Variants in PARP8 observed in about 807,000 individuals in gnomAD.
The protein encoded by PARP8 is protein mono-ADP-ribosyltransferase PARP8.
Under a neutral mutation model 124.1 loss-of-function variants are expected in PARP8, and 51 were observed. The observed-to-expected ratio is 0.41, with a 90% CI of 0.33 to 0.52. PARP8 has a LOEUF of 0.52. Ranked by LOEUF, PARP8 falls within the 20% of genes least tolerant of loss-of-function variation. The pLI, the probability that PARP8 is intolerant of heterozygous loss-of-function variation, is 0.21. For synonymous variants in PARP8, 391 were observed against 361.5 expected (o/e 1.08, Z -0.93); for missense variants, 860 against 1,018.9 (o/e 0.84, Z 2.12).
At chr5:50,677,163 A>T (rs1374001517) in intron 2 of PARP8, among the ~76,000 whole-genome samples, 1 of 152,130 alleles carries the variant, frequency 6.6e-6, no homozygotes, top group Non-Finnish European at 1.5e-5. Context: ...CACATTTGTT[A>T]GTCTGTATGT....
chr5:50,753,465 A>T (rs1759483139), intron 3 of PARP8, among the ~76,000 whole-genome samples: 1 of 152,122 alleles, frequency 6.6e-6, no homozygotes. Flanking sequence ...TTTATACCTA[A>T]TAAACATTTA....
Position 50,844,607 on chromosome 5 carries a change from G to A in PARP8, c.*2539G>A, listed in dbSNP as rs1748478108. 6.6e-6 allele frequency: 1 copy of A among 151,596 alleles called. No homozygotes were observed. The highest frequency in any genetic ancestry group is 1.5e-5 in the Non-Finnish European group (1 of 67,726). The allele number at this position is 151,596 out of a possible 1,614,324, so 9.4% of individuals were successfully genotyped here. A position where few individuals can be genotyped will look rare whatever the true frequency, so the allele number is the denominator to read the frequency against. ...TTGTATTGTGTTTTTATAATTATTT[G>A]AAATCTGTTCACCAATGCTTTGTAA... On this transcript the variant is annotated 3_prime_UTR_variant, in exon 26 of 26. Transcript: ENST00000281631.
intron 15 of PARP8, among the ~76,000 whole-genome samples, chr5:50,816,829 C>G (rs1745157716): frequency 6.6e-6 from 1 of 151,948 alleles, no homozygotes; most frequent in South Asian, 2.1e-4. Context: ...GAGCCTTTTT[C>G]TTTTCCATCC....
chr5:50,698,113 CTT>C (rs1753222940), intron 2 of PARP8, among the ~76,000 whole-genome samples: 1 of 152,168 alleles, frequency 6.6e-6, no homozygotes, highest in Non-Finnish European at 1.5e-5. Flanking sequence ...TTCATGAAGA[CTT>C]TTGGTGTCAT....
Position 50,829,240 on chromosome 5 carries a change from A to G in PARP8, c.2164-652A>G, listed in dbSNP as rs796946730. On this transcript the variant is annotated intron_variant, in intron 21 of 25. Transcript: ENST00000281631. ...TTTCACTTCACTCTCCTGCAGCTGAATTTTTTTTCATCTGACAGCATAAGG... is the reference window on the plus strand; with the variant it reads ...TTTCACTTCACTCTCCTGCAGCTGAGTTTTTTTTCATCTGACAGCATAAGG... Among the ~76,000 whole-genome samples, 13 of 152,090 alleles carry G rather than the reference A, an allele frequency of 8.5e-5. 1 individual carries two copies. Among genetic ancestry groups the G allele is most frequent in the African/African-American group, 3.1e-4 (13 of 41,496 alleles).
chr5:50,835,536 CAAAAAGAAAA>C (rs1013388571), intron 25 of PARP8, among the ~76,000 whole-genome samples: 3 of 149,706 alleles, frequency 2.0e-5, no homozygotes, highest in African/African-American at 7.4e-5. Flanking sequence ...GAATCTGTCT[CAAAAAGAAAA>C]AAAAAGAAAA....
intron 3 of PARP8, among the ~76,000 whole-genome samples, chr5:50,756,571 A>C (rs960764043): frequency 6.6e-6 from 1 of 152,180 alleles, no homozygotes; most frequent in African/African-American, 2.4e-5. Flanking sequence ...ACTGTGGCTT[A>C]GGCTAAAGGA....
At chr5:50,802,934 A>G (rs1743395243) in intron 14 of PARP8, among the ~76,000 whole-genome samples, 1 of 152,166 alleles carries the variant, frequency 6.6e-6, no homozygotes, top group African/African-American at 2.4e-5. Context: ...TATGTGGACT[A>G]TGTAGTGTCC....
chr5:50,741,814 C>CTT (rs558645653), intron 2 of PARP8: 271 of 393,564 alleles, frequency 6.9e-4, no homozygotes, highest in East Asian at 1.3e-3. Context: ...TTCTTTTCTT[C>CTT]TTTTTTTTTT....
In PARP8 at chr5:50,781,188, G is replaced by A. The variant is rs150871305; in HGVS notation, c.670+2538G>A. 6.6e-5 allele frequency among the ~76,000 whole-genome samples: 10 copies of A among 151,364 alleles called. No homozygotes were observed. In the East Asian group the frequency reaches 1.2e-3, roughly 18 times the overall value. ...CTGCTCCACTGAGTGAATTTTTTTC[G>A]TGATTTCATCTTAAATTTAATGTTC... On this transcript the variant is annotated intron_variant, in intron 9 of 25. Coordinates refer to ENST00000281631, the MANE Select transcript of PARP8 (RefSeq NM_024615.4).
intron 2 of PARP8, among the ~76,000 whole-genome samples, chr5:50,684,959 C>T (rs974532594): frequency 1.8e-4 from 27 of 152,108 alleles, no homozygotes; most frequent in South Asian, 2.1e-4. Context: ...TTGCTTCAGC[C>T]GTCCCACTTA....
At chr5:50,722,211 A>G (rs1468760955) in intron 2 of PARP8, among the ~76,000 whole-genome samples, 3 of 152,092 alleles carry the variant, frequency 2.0e-5, no homozygotes, top group Non-Finnish European at 4.4e-5. Context: ...TTTGCCATTC[A>G]TTTCTCATTT....
intron 2 of PARP8, among the ~76,000 whole-genome samples, chr5:50,724,947 A>G (rs1393160233): frequency 6.6e-6 from 1 of 151,816 alleles, no homozygotes; most frequent in East Asian, 1.9e-4. Context: ...GTGAAAACGT[A>G]TGGTTTTTGG....
intron 2 of PARP8, among the ~76,000 whole-genome samples, chr5:50,740,046 G>A (rs1285166005): frequency 1.3e-5 from 2 of 151,942 alleles, no homozygotes; most frequent in South Asian, 4.2e-4. Flanking sequence ...ACTGCGCCCG[G>A]CCTGGGTTTA....
In PARP8 at chr5:50,843,272, T is replaced by C. The variant is rs1748355769; in HGVS notation, c.*1204T>C. 1.3e-5 allele frequency: 2 copies of C among 151,912 alleles called. No individual in the cohort carries two copies. Among genetic ancestry groups the C allele is most frequent in the South Asian group, 4.1e-4 (2 of 4,830 alleles). The allele number at this position is 151,912 out of a possible 1,614,324, so 9.4% of individuals were successfully genotyped here. On this transcript the variant is annotated 3_prime_UTR_variant, in exon 26 of 26. Coordinates refer to ENST00000281631, the MANE Select transcript of PARP8 (RefSeq NM_024615.4). Reference sequence around the variant, plus strand: ...AATTGACAGTGTTTATTTTCCCACATGTTGTCTTTGGAATAAGGCCATTCA... The same window carrying C: ...AATTGACAGTGTTTATTTTCCCACACGTTGTCTTTGGAATAAGGCCATTCA...
At chr5:50,792,093 G>A (rs1447551786) in intron 10 of PARP8, among the ~76,000 whole-genome samples, 3 of 152,102 alleles carry the variant, frequency 2.0e-5, no homozygotes, top group African/African-American at 7.2e-5. Flanking sequence ...GATATCATCT[G>A]CTCTTGACGC....
chr5:50,814,906 A>G (rs1430410489), intron 14 of PARP8, among the ~76,000 whole-genome samples: 3 of 152,210 alleles, frequency 2.0e-5, no homozygotes, highest in Admixed American at 2.0e-4. Flanking sequence ...ATAGAAGTCA[A>G]TAACCGTTTC....
chr5:50,699,298 T>A (rs1753348169), intron 2 of PARP8, among the ~76,000 whole-genome samples: 1 of 152,226 alleles, frequency 6.6e-6, no homozygotes, highest in South Asian at 2.1e-4. Context: ...GTTCATTGAC[T>A]CTTTGGATTT....
At chr5:50,771,148 A>G (rs1451463258) in intron 7 of PARP8, among the ~76,000 whole-genome samples, 4 of 149,018 alleles carry the variant, frequency 2.7e-5, no homozygotes, top group Admixed American at 2.0e-4. Flanking sequence ...CATATATATA[A>G]TATATATATA....
Sources: allele counts gnomAD v4.1 joint callset (sites outside exome capture counted in the v4.1 genomes callset), GRCh38; gene constraint gnomAD v4.1.1; transcripts MANE v1.5; gene names NCBI Gene and HGNC (gene_info 2026-07-23, HGNC 2026-07-21).